The following LGI4 variants were observed in gnomAD, a reference collection of about 807,000 sequenced individuals.
LGI4 encodes leucine rich repeat LGI family member 4, also known as leucine-rich repeat LGI family member 4.
Under a neutral mutation model 48.3 loss-of-function variants are expected in LGI4, and 36 were observed. The ratio of observed to expected loss-of-function variants is 0.75; its 90% CI spans 0.57 to 0.98. LGI4 has a LOEUF of 0.98. Among genes scored for constraint, LGI4 ranks in the 50% least tolerant of loss-of-function variants. LGI4 has a pLI of 0.00. For synonymous variants in LGI4, 355 were observed against 331.6 expected, an observed-to-expected ratio of 1.07 and a Z score of -0.77; for missense variants, 701 against 732.1, an observed-to-expected ratio of 0.96 and a Z score of 0.49.
chr19:35,129,805 G>A (rs1479872485), intron 6 of LGI4, among the ~76,000 whole-genome samples: 1 of 152,052 alleles, frequency 6.6e-6, no homozygotes, highest in Non-Finnish European at 1.5e-5. Context: ...ATTGGTGAAA[G>A]AGGAAGGTCT....
In LGI4 at chr19:35,134,848, T is replaced by G; in HGVS notation, c.-168A>C. 3.6e-6 allele frequency: 2 copies of G among 549,596 alleles called. No homozygotes were observed. Among genetic ancestry groups the G allele is most frequent in the South Asian group, 4.8e-5 (2 of 41,834 alleles). 34.0% of individuals were successfully genotyped at this position (549,596 alleles called of 1,614,324 possible). On this transcript the variant is annotated 5_prime_UTR_variant, in exon 1 of 9. Coordinates refer to ENST00000310123, the MANE Select transcript of LGI4 (RefSeq NM_139284.3). ...TTCTTTCAGTCGGCCTTCCTCCCTG[T>G]TCGTATGTCTTTGGTGTCTAATTTT...
At chr19:35,128,507 G>A (rs931463501) in intron 6 of LGI4, among the ~76,000 whole-genome samples, 5 of 152,138 alleles carry the variant, frequency 3.3e-5, no homozygotes, top group South Asian at 4.1e-4. Context: ...CCAGGAGTTC[G>A]AGAGCAGCCT....
chr19:35,129,389 G>C (rs895047722), intron 6 of LGI4, among the ~76,000 whole-genome samples: 1 of 151,866 alleles, frequency 6.6e-6, no homozygotes, highest in Non-Finnish European at 1.5e-5. Context: ...CTGTTACTGT[G>C]TCTATGCAGA....
chr19:35,131,303 G>A lies in LGI4; in HGVS notation c.628+83C>T, dbSNP rs1010834501. The A allele has an allele frequency of 4.0e-6, 6 of 1,492,604 alleles. No homozygotes were observed. The African/African-American group carries it at 7.0e-5, about 17-fold the overall frequency. 92.5% of individuals were successfully genotyped at this position (1,492,604 alleles called of 1,614,324 possible). ...TCTTCCCACTCCGGGAAATGGCAGG[G>A]CAGGGAGTGAGACGAGCCTCTTGGC... On this transcript the variant is annotated intron_variant, in intron 6 of 8. Transcript: ENST00000310123.
Position 35,131,392 on chromosome 19 carries a change from C to T in LGI4, c.622G>A (p.Ala208Thr). 2 of 1,550,240 alleles carry T rather than the reference C, an allele frequency of 1.3e-6. No individual in the cohort carries two copies. The highest frequency in any genetic ancestry group is 1.2e-5 in the South Asian group (1 of 83,818). ...HLDPKTFKCR[A>T]IELSWFQTVG... The stretch of plus-strand genomic sequence containing the variant: ...CATCGGGAAAGCCCCCCACCTATGG[C>T]TCTGCACTTGAAAGTCTTGGGGTCG... The change falls in exon 6 of 9, where the codon GCC becomes ACC. Residue 208 changes from alanine (A) to threonine (T), a missense_variant. Around this residue, in one of 3 missense-constraint regions of LGI4, gnomAD observed 462 missense variants for 436.4 expected, o/e 1.06. Transcript: ENST00000310123.
Position 35,126,496 on chromosome 19 carries a change from A to G in LGI4, c.1073T>C (p.Leu358Pro). 1 of 1,556,354 alleles carries G rather than the reference A, an allele frequency of 6.4e-7. No homozygotes were observed. The change falls in exon 8 of 9, where the codon CTG becomes CCG. Residue 358 changes from leucine to proline, a missense_variant. Transcript: ENST00000310123. ...GTCCGTGTCCCGGTGCCAGGCGTGCAGGCTCTGGTGCGGGTAAAAGCCGGG... is the reference window on the plus strand; with the variant it reads ...GTCCGTGTCCCGGTGCCAGGCGTGCGGGCTCTGGTGCGGGTAAAAGCCGGG... ...DGPGFYPHQS[L>P]HAWHRDTDAE...
chr19:35,126,505 T>G lies in LGI4; in HGVS notation c.1064A>C (p.His355Pro). Reference protein sequence around the residue: ...LCRDGPGFYPHQSLHAWHRDT... With the variant: ...LCRDGPGFYPPQSLHAWHRDT... Reference sequence around the variant, plus strand: ...CCGGTGCCAGGCGTGCAGGCTCTGGTGCGGGTAAAAGCCGGGCCCGTCGCG... The same window carrying G: ...CCGGTGCCAGGCGTGCAGGCTCTGGGGCGGGTAAAAGCCGGGCCCGTCGCG... The change falls in exon 8 of 9, where the codon CAC becomes CCC. Residue 355 changes from histidine to proline, a missense_variant. By Grantham distance (77) the His-to-Pro change is moderately conservative. Coordinates refer to ENST00000310123, the MANE Select transcript of LGI4 (RefSeq NM_139284.3). 1 of 1,553,076 alleles carries G rather than the reference T, an allele frequency of 6.4e-7. No homozygotes were observed.
intron 6 of LGI4, among the ~76,000 whole-genome samples, chr19:35,130,203 C>T (rs1321145089): frequency 6.6e-6 from 1 of 152,164 alleles, no homozygotes; most frequent in African/African-American, 2.4e-5. Flanking sequence ...CCAGTGCCGG[C>T]GCGGGTCCTC....
rs192090847 is a variant in LGI4 at position 35,129,216 on chromosome 19, T to C, written c.628+2170A>G. Among the ~76,000 whole-genome samples the C allele has an allele frequency of 1.9e-3, 290 of 152,208 alleles. 7 individuals carry two copies. The South Asian group carries it at 0.042, about 22-fold the overall frequency. ...TTGGATAACTTGAATGAAGAGGGAC[T>C]CCCTAAGTTAAATCCCCTTCTTCTA... On this transcript the variant is annotated intron_variant, in intron 6 of 8. Coordinates refer to ENST00000310123, the MANE Select transcript of LGI4 (RefSeq NM_139284.3).
At chr19:35,133,437 T>C in intron 3 of LGI4, 1 of 1,304,028 alleles carries the variant, frequency 7.7e-7, no homozygotes, top group Non-Finnish European at 9.7e-7. Flanking sequence ...TCCGGGCCCT[T>C]TGTAGATCTT....
intron 2 of LGI4, 23 bp from the exon 3 acceptor site, chr19:35,133,787 A>T (rs200120419): frequency 6.3e-7 from 1 of 1,587,692 alleles, no homozygotes; most frequent in East Asian, 2.3e-5. Flanking sequence ...CAAGAAAGAA[A>T]TTTTTCCAGA....
intron 6 of LGI4, chr19:35,131,135 T>C: frequency 1.6e-6 from 1 of 612,716 alleles, no homozygotes; most frequent in Non-Finnish European, 2.9e-6. Context: ...TATAAGGACC[T>C]CCTGTCCCAG....
rs1256763509 is a variant in LGI4 at position 35,134,851 on chromosome 19, G to A, written c.-171C>T. 1.3e-5 allele frequency: 7 copies of A among 545,642 alleles called. No individual in the cohort carries two copies. The highest frequency in any genetic ancestry group is 4.8e-4 in the Middle Eastern group (1 of 2,102). The allele number at this position is 545,642 out of a possible 1,614,324, so 33.8% of individuals were successfully genotyped here. On this transcript the variant is annotated 5_prime_UTR_variant, in exon 1 of 9. In the 5' UTR this introduces an upstream ATG that the reference lacks. Transcript: ENST00000310123. Reference sequence around the variant, plus strand: ...TTTCAGTCGGCCTTCCTCCCTGTTCGTATGTCTTTGGTGTCTAATTTTCTG... The same window carrying A: ...TTTCAGTCGGCCTTCCTCCCTGTTCATATGTCTTTGGTGTCTAATTTTCTG...
intron 8 of LGI4, 106 bp downstream of exon 8, chr19:35,126,164 T>C (rs771581804): frequency 3.9e-6 from 5 of 1,293,284 alleles, no homozygotes; most frequent in South Asian, 1.4e-5. Context: ...GGTGGGGTCC[T>C]GGTTCAAAGG....
chr19:35,129,293 T>G (rs1461451898), intron 6 of LGI4, among the ~76,000 whole-genome samples: 1 of 151,670 alleles, frequency 6.6e-6, no homozygotes, highest in Non-Finnish European at 1.5e-5. Context: ...ATAATAATAA[T>G]TATATGCTGA....
At chr19:35,126,192 G>A in intron 8 of LGI4, 78 bp downstream of exon 8, 1 of 1,484,778 alleles carries the variant, frequency 6.7e-7, no homozygotes. Context: ...GTGAGGGTAG[G>A]TCAGAGTTTA....
chr19:35,129,255 C>A (rs2065159740), intron 6 of LGI4, among the ~76,000 whole-genome samples: 1 of 151,812 alleles, frequency 6.6e-6, no homozygotes, highest in Non-Finnish European at 1.5e-5. Context: ...GTCCCACAGA[C>A]CAAAAACATG....
In LGI4 at chr19:35,126,702, C is replaced by T. The variant is rs1330259916; in HGVS notation, c.867G>A (p.Gly289=). Residue 289 remains glycine, a synonymous_variant, in exon 8 of 9, where the codon GGG becomes GGA. Transcript: ENST00000310123. The part of the protein sequence containing the change: ...SLFVLAARLW[G]GSQLWARPSP... ...TGGGCCGGGCCCACAGCTGTGAGCC[C>T]CCCCACAGGCGGGCAGCCAGCACGA... is the stretch of plus-strand genomic sequence containing the variant. 1.3e-6 allele frequency: 2 copies of T among 1,538,110 alleles called. No homozygotes were observed. Among genetic ancestry groups the T allele is most frequent in the South Asian group, 1.2e-5 (1 of 84,062 alleles).
intron 8 of LGI4, chr19:35,125,740 G>A (rs2065129632): frequency 2.9e-6 from 2 of 690,766 alleles, no homozygotes; most frequent in Admixed American, 2.0e-5. Flanking sequence ...ACCTTCTACA[G>A]TTGTACATTT....
Sources: allele counts gnomAD v4.1 joint callset (sites outside exome capture counted in the v4.1 genomes callset), GRCh38; gene constraint gnomAD v4.1.1; regional missense constraint gnomAD v4.1.1; transcripts MANE v1.5; gene names NCBI Gene and HGNC (gene_info 2026-07-23, HGNC 2026-07-21).